Variants in GPX8 observed in about 807,000 individuals in gnomAD.
GPX8 encodes protein peroxidase GPX8.
A neutral mutation model predicts 17.8 loss-of-function variants in GPX8; 12 were observed. The observed-to-expected ratio is 0.67, with a 90% CI of 0.43 to 1.09. The LOEUF is 1.09. GPX8 is among the 50% of genes least tolerant of loss of function. The probability of loss-of-function intolerance (pLI) is 0.00; values close to 1 mark genes in which losing one functional copy is unlikely to be tolerated. For missense variants in GPX8, 209 were observed against 235.6 expected (o/e 0.89, Z 0.74); for synonymous variants, 86 against 88.1 (o/e 0.98, Z 0.14).
intron 1 of GPX8, 59 bp downstream of exon 1, chr5:55,160,455 C>A: frequency 7.2e-7 from 1 of 1,396,440 alleles, no homozygotes; most frequent in Non-Finnish European, 1.0e-6. Flanking sequence ...GTTTATTCCT[C>A]TTAATAAAAT....
Position 55,166,104 on chromosome 5 carries a change from C to T in GPX8, c.*1886C>T, listed in dbSNP as rs937416869. 5 of 152,252 alleles carry T rather than the reference C, an allele frequency of 3.3e-5. No individual in the cohort carries two copies. Among genetic ancestry groups the T allele is most frequent in the African/African-American group, 1.2e-4 (5 of 41,450 alleles). The allele number at this position is 152,252 out of a possible 1,614,324, so 9.4% of individuals were successfully genotyped here. The stretch of plus-strand genomic sequence containing the variant: ...TGCCTTGTATCCTCACCTACGCCTT[C>T]CATGAACTCATAGCAGTGCTGTGGC... On this transcript the variant is annotated 3_prime_UTR_variant, in exon 3 of 3. Coordinates refer to ENST00000503787, the MANE Select transcript of GPX8 (RefSeq NM_001008397.4).
In GPX8 at chr5:55,160,216, G is replaced by T; in HGVS notation, c.24G>T (p.Pro8=). MEPLAAY[P]LKCSGPRAKV... ...ACATGGAGCCTCTTGCAGCTTACCCGCTAAAATGTTCCGGGCCCAGAGCAA... is the reference window on the plus strand; with the variant it reads ...ACATGGAGCCTCTTGCAGCTTACCCTCTAAAATGTTCCGGGCCCAGAGCAA... The change falls in exon 1 of 3, where the codon CCG becomes CCT. Residue 8 remains proline (P), a synonymous_variant. Transcript: ENST00000503787. The T allele has an allele frequency of 6.2e-7, 1 of 1,613,938 alleles. No individual in the cohort carries two copies. Among genetic ancestry groups the T allele is most frequent in the Non-Finnish European group, 8.5e-7 (1 of 1,179,878 alleles).
chr5:55,161,275 A>G lies in GPX8; in HGVS notation c.466+20A>G, dbSNP rs1012296164. The stretch of plus-strand genomic sequence containing the variant: ...TTGTTGGTAAATATCTGCCTTGCAT[A>G]TGCTGTTTTAAATTGCTTTTCATTT... On this transcript the variant is annotated intron_variant, in intron 2 of 2. Transcript: ENST00000503787. 7 of 1,603,982 alleles carry G rather than the reference A, an allele frequency of 4.4e-6. No homozygotes were observed. The highest frequency in any genetic ancestry group is 4.3e-6 in the Non-Finnish European group (5 of 1,173,908).
chr5:55,160,523 T>C lies in GPX8; in HGVS notation c.204+127T>C, dbSNP rs1239289655. ...AATTTAGTCTTCAGAGTAATGGTAT[T>C]AGTACATCACTTTAGTTATTACAGT... On this transcript the variant is annotated intron_variant, in intron 1 of 2. Coordinates refer to ENST00000503787, the MANE Select transcript of GPX8 (RefSeq NM_001008397.4). 3 of 652,392 alleles carry C rather than the reference T, an allele frequency of 4.6e-6. No homozygotes were observed. The East Asian group carries it at 8.1e-5, about 18-fold the overall frequency. 40.4% of individuals were successfully genotyped at this position (652,392 alleles called of 1,614,324 possible).
chr5:55,162,082 A>G (rs909546683), intron 2 of GPX8, among the ~76,000 whole-genome samples: 2 of 130,662 alleles, frequency 1.5e-5, no homozygotes, highest in South Asian at 2.5e-4. Context: ...GTTCTAAACC[A>G]TATTAGTCAA....
Position 55,165,366 on chromosome 5 carries a change from T to C in GPX8, c.*1148T>C, listed in dbSNP as rs2111592383. 6.6e-6 allele frequency: 1 copy of C among 152,322 alleles called. No individual in the cohort carries two copies. The highest frequency in any genetic ancestry group is 2.1e-4 in the South Asian group (1 of 4,834). 9.4% of individuals were successfully genotyped at this position (152,322 alleles called of 1,614,324 possible). ...TAATTATTGCCTCATGAAATATACATTCATCGCATAAAAGAATTAAATAGG... is the reference window on the plus strand; with the variant it reads ...TAATTATTGCCTCATGAAATATACACTCATCGCATAAAAGAATTAAATAGG... On this transcript the variant is annotated 3_prime_UTR_variant, in exon 3 of 3. Coordinates refer to ENST00000503787, the MANE Select transcript of GPX8 (RefSeq NM_001008397.4).
At chr5:55,163,651 T>G (rs1027302090) in intron 2 of GPX8, among the ~76,000 whole-genome samples, 4 of 151,500 alleles carry the variant, frequency 2.6e-5, no homozygotes, top group African/African-American at 9.7e-5. Flanking sequence ...GGATTACAGG[T>G]GCACACCACC....
rs751137374 is a variant in GPX8 at position 55,161,074 on chromosome 5, G to C, written c.285G>C (p.Glu95Asp). ...NYLGLKELHK[E>D]FGPSHFSVLA... The stretch of plus-strand genomic sequence containing the variant: ...TAGGGCTGAAGGAACTGCACAAAGA[G>C]TTTGGACCATCCCACTTCAGCGTGT... Residue 95 changes from glutamate to aspartate, a missense_variant, in exon 2 of 3, where the codon GAG (glutamate) becomes GAC (aspartate). Physicochemically the swap from Glu to Asp is conservative, Grantham distance 45. Coordinates refer to ENST00000503787, the MANE Select transcript of GPX8 (RefSeq NM_001008397.4). 6.2e-7 allele frequency: 1 copy of C among 1,614,184 alleles called. No individual in the cohort carries two copies. Among genetic ancestry groups the C allele is most frequent in the South Asian group, 1.1e-5 (1 of 91,082 alleles).
At chr5:55,160,673 A>T (rs982104720) in intron 1 of GPX8, 1 of 459,662 alleles carries the variant, frequency 2.2e-6, no homozygotes, top group African/African-American at 2.0e-5. Flanking sequence ...TGTGAACATG[A>T]TGACATTTAT....
chr5:55,160,455 C>T, intron 1 of GPX8, 59 bp downstream of exon 1: 1 of 1,396,444 alleles, frequency 7.2e-7, no homozygotes, highest in Admixed American at 1.9e-5. Context: ...GTTTATTCCT[C>T]TTAATAAAAT....
rs569800990 is a variant in GPX8, at chr5:55,160,274, T to C, written c.82T>C (p.Cys28Arg). 1.9e-6 allele frequency: 3 copies of C among 1,613,926 alleles called. No homozygotes were observed. In the East Asian group the frequency reaches 6.7e-5, roughly 36 times the overall value. ...VFAVLLSIVL[C>R]TVTLFLLQLK... The stretch of plus-strand genomic sequence containing the variant: ...TGCAGTTTTGCTGTCTATAGTTCTA[T>C]GCACAGTAACGCTATTTCTTCTACA... The change falls in exon 1 of 3, where the codon TGC becomes CGC. Residue 28 changes from cysteine (C) to arginine (R), a missense_variant. Transcript: ENST00000503787.
rs866893181 is a variant in GPX8, at chr5:55,161,256, G to A, written c.466+1G>A. 1 of 1,612,712 alleles carries A rather than the reference G, an allele frequency of 6.2e-7. No homozygotes were observed. Among genetic ancestry groups the A allele is most frequent in the East Asian group, 2.2e-5 (1 of 44,878 alleles). ...GAACCTGCATTTAGATTTCTTGTTG[G>A]TAAATATCTGCCTTGCATATGCTGT... On this transcript the variant is annotated splice_donor_variant, in intron 2 of 2. Coordinates refer to ENST00000503787, the MANE Select transcript of GPX8 (RefSeq NM_001008397.4). LOFTEE classifies it high-confidence loss of function.
At chr5:55,162,962 T>C (rs1014228814) in intron 2 of GPX8, among the ~76,000 whole-genome samples, 1 of 152,172 alleles carries the variant, frequency 6.6e-6, no homozygotes, top group Non-Finnish European at 1.5e-5. Context: ...ATTAGCCACG[T>C]GACCTTGTGT....
chr5:55,164,177 C>G lies in GPX8; in HGVS notation c.589C>G (p.Leu197Val). The G allele has an allele frequency of 6.3e-7, 1 of 1,586,248 alleles. No homozygotes were observed. Among genetic ancestry groups the G allele is most frequent in the Non-Finnish European group, 8.6e-7 (1 of 1,162,912 alleles). The change falls in exon 3 of 3, where the codon CTG becomes GTG. Residue 197 changes from leucine to valine, a missense_variant. By Grantham distance (32) the Leu-to-Val change is conservative (BLOSUM62 1). Transcript: ENST00000503787. Reference sequence around the variant, plus strand: ...AGTCATCAGGCCTGACATAGCAGCTCTGGTTAGACAAGTGATCATAAAAAA... The same window carrying G: ...AGTCATCAGGCCTGACATAGCAGCTGTGGTTAGACAAGTGATCATAAAAAA... ...IEVIRPDIAA[L>V]VRQVIIKKKE...
Position 55,160,406 on chromosome 5 carries a change from A to T in GPX8, c.204+10A>T. 6.3e-7 allele frequency: 1 copy of T among 1,596,550 alleles called. No individual in the cohort carries two copies. The highest frequency in any genetic ancestry group is 8.6e-7 in the Non-Finnish European group (1 of 1,166,278). On this transcript the variant is annotated intron_variant, in intron 1 of 2. Transcript: ENST00000503787. ...AAAGTATAAAGGCAAAGTAAGTTGCATCATCTGATTTTTATTGTTATCATT... is the reference window on the plus strand; with the variant it reads ...AAAGTATAAAGGCAAAGTAAGTTGCTTCATCTGATTTTTATTGTTATCATT...
rs1202356561 is a variant in GPX8 at position 55,164,193 on chromosome 5, T to G, written c.605T>G (p.Ile202Ser). The G allele has an allele frequency of 3.2e-6, 5 of 1,559,202 alleles. No individual in the cohort carries two copies. In the East Asian group the frequency reaches 1.1e-4, roughly 35 times the overall value. ...ATAGCAGCTCTGGTTAGACAAGTGATCATAAAAAAGAAAGAGGATCTATGA... is the reference window on the plus strand; with the variant it reads ...ATAGCAGCTCTGGTTAGACAAGTGAGCATAAAAAAGAAAGAGGATCTATGA... ...PDIAALVRQV[I>S]IKKKEDL Residue 202 changes from isoleucine to serine, a missense_variant, in exon 3 of 3, where the codon ATC becomes AGC. Coordinates refer to ENST00000503787, the MANE Select transcript of GPX8 (RefSeq NM_001008397.4).
At chr5:55,162,908 C>T (rs1744160156) in intron 2 of GPX8, among the ~76,000 whole-genome samples, 1 of 152,164 alleles carries the variant, frequency 6.6e-6, no homozygotes, top group Non-Finnish European at 1.5e-5. Context: ...AGAGCATGAG[C>T]TCTGGAGTAA....
intron 2 of GPX8, 94 bp from the exon 3 acceptor site, chr5:55,163,961 T>C (rs550276770): frequency 1.1e-6 from 1 of 940,068 alleles, no homozygotes; most frequent in South Asian, 2.3e-5. Context: ...TAGAACTTGA[T>C]ACTAAAGTTA....
Position 55,161,199 on chromosome 5 carries a change from T to TC in GPX8, c.412dup (p.His138ProfsTer4), listed in dbSNP as rs1187498771. 6.2e-7 allele frequency: 1 copy of TC among 1,614,064 alleles called. No homozygotes were observed. Among genetic ancestry groups the TC allele is most frequent in the African/African-American group, 1.3e-5 (1 of 74,942 alleles). ...AACTACGGAGTAACTTTCCCCATCT[T>TC]CCACAAGATTAAGATTCTAGGATCT... On this transcript the variant is annotated frameshift_variant, in exon 2 of 3. Transcript: ENST00000503787. LOFTEE classifies it high-confidence loss of function.
Sources: allele counts gnomAD v4.1 joint callset (sites outside exome capture counted in the v4.1 genomes callset), GRCh38; gene constraint gnomAD v4.1.1; transcripts MANE v1.5; gene names NCBI Gene and HGNC (gene_info 2026-07-23, HGNC 2026-07-21).